Variants in C3orf49 observed in about 807,000 individuals in gnomAD.
C3orf49 encodes the protein chromosome 3 open reading frame 49, also known as putative uncharacterized protein C3orf49.
Under a neutral mutation model 13.3 loss-of-function variants are expected in C3orf49, and 27 were observed. That is an observed-to-expected ratio of 2.02 (90% confidence interval 1.49 to 2.79). The LOEUF (loss-of-function observed/expected upper bound fraction) is 2.79. Ranked by LOEUF, C3orf49 falls within the 30% of genes most tolerant of loss-of-function variation. C3orf49 has a pLI of 0.00. For synonymous variants in C3orf49, 87 were observed against 47.6 expected, an observed-to-expected ratio of 1.83 and a Z score of -3.40; for missense variants, 242 against 134.2, an observed-to-expected ratio of 1.80 and a Z score of -3.97.
chr3:63,821,569 T>C (rs1006962800), intron 1 of C3orf49, among the ~76,000 whole-genome samples: 3 of 152,120 alleles, frequency 2.0e-5, no homozygotes, highest in Non-Finnish European at 4.4e-5. Flanking sequence ...AATCAGTGAA[T>C]AGTTAAACAA....
intron 5 of C3orf49, among the ~76,000 whole-genome samples, chr3:63,843,626 C>G (rs560215749): frequency 6.6e-6 from 1 of 151,972 alleles, no homozygotes; most frequent in East Asian, 2.0e-4. Context: ...GTGGGCTGGG[C>G]GTGGTGGCTC....
At chr3:63,844,266 T>C (rs549581911) in intron 5 of C3orf49, among the ~76,000 whole-genome samples, 3 of 152,284 alleles carry the variant, frequency 2.0e-5, no homozygotes, top group African/African-American at 7.2e-5. Flanking sequence ...GCAAGAGCAA[T>C]AAATTTCAAG....
chr3:63,793,395 C>G, the C3orf49 span, among the ~76,000 whole-genome samples: 1 of 152,128 alleles, frequency 6.6e-6, no homozygotes, highest in Non-Finnish European at 1.5e-5. Flanking sequence ...AGTCTCTCAT[C>G]AGCAACCCCC....
chr3:63,847,534 C>T (rs558087705), intron 6 of C3orf49, among the ~76,000 whole-genome samples: 81 of 152,178 alleles, frequency 5.3e-4, no homozygotes, highest in African/African-American at 1.9e-3. Context: ...GGTTAGGAGT[C>T]GAGACCAGGC....
chr3:63,835,312 A>G (rs1362228903), intron 5 of C3orf49: 2 of 1,613,490 alleles, frequency 1.2e-6, no homozygotes, highest in South Asian at 1.1e-5. Flanking sequence ...GGCTAAATAT[A>G]TATGCGAATA....
At chr3:63,811,330 G>A in the C3orf49 span, among the ~76,000 whole-genome samples, 1 of 151,276 alleles carries the variant, frequency 6.6e-6, no homozygotes, top group Admixed American at 6.6e-5. Context: ...AGGCCGAGGC[G>A]AGCGGATCAC....
the C3orf49 span, among the ~76,000 whole-genome samples, chr3:63,813,553 CAA>C: frequency 1.3e-5 from 2 of 151,870 alleles, no homozygotes; most frequent in African/African-American, 4.8e-5. Flanking sequence ...ACACAAAAAA[CAA>C]ATGAAAAAAA....
the C3orf49 span, among the ~76,000 whole-genome samples, chr3:63,799,511 A>G: frequency 7.9e-5 from 12 of 152,310 alleles, no homozygotes; most frequent in Admixed American, 6.5e-4. Context: ...AAAATGAAAG[A>G]CACAATATTA....
the C3orf49 span, among the ~76,000 whole-genome samples, chr3:63,783,565 C>CAA: frequency 2.4e-4 from 32 of 134,208 alleles, no homozygotes; most frequent in African/African-American, 9.0e-4. Flanking sequence ...CACACACACA[C>CAA]AAATTAGCCA....
the C3orf49 span, among the ~76,000 whole-genome samples, chr3:63,798,156 A>G: frequency 6.6e-6 from 1 of 152,174 alleles, no homozygotes; most frequent in African/African-American, 2.4e-5. Context: ...TCCACAGGGA[A>G]TTTAATGTGC....
chr3:63,833,318 C>T (rs1473302254), intron 5 of C3orf49, among the ~76,000 whole-genome samples: 1 of 151,974 alleles, frequency 6.6e-6, no homozygotes, highest in African/African-American at 2.4e-5. Flanking sequence ...AGGCTGGTCT[C>T]GAACTCCTGA....
chr3:63,846,192 T>A (rs1303565134), intron 6 of C3orf49: 2 of 452,636 alleles, frequency 4.4e-6, no homozygotes, highest in Admixed American at 4.8e-5. Flanking sequence ...ATATTCAGTC[T>A]GCTTTGTCTG....
chr3:63,790,692 C>A, the C3orf49 span, among the ~76,000 whole-genome samples: 1 of 150,266 alleles, frequency 6.7e-6, no homozygotes, highest in Admixed American at 6.7e-5. Flanking sequence ...ATCATTCTTT[C>A]ACATCTTCCC....
At chr3:63,782,493 C>G in the C3orf49 span, 4 of 152,272 alleles carry the variant, frequency 2.6e-5, no homozygotes, top group Admixed American at 2.0e-4. Flanking sequence ...AGATTTCCAG[C>G]TGTAAACAGT....
At chr3:63,790,954 C>A in the C3orf49 span, among the ~76,000 whole-genome samples, 2 of 152,188 alleles carry the variant, frequency 1.3e-5, no homozygotes, top group Non-Finnish European at 2.9e-5. Context: ...TAGGCAAGCT[C>A]AGGAGTACAC....
At chr3:63,785,652 C>T in the C3orf49 span, among the ~76,000 whole-genome samples, 4 of 152,102 alleles carry the variant, frequency 2.6e-5, no homozygotes, top group Admixed American at 6.5e-5. Flanking sequence ...CTGTATTACA[C>T]GGTGAATGAA....
intron 5 of C3orf49, chr3:63,837,997 G>GT: frequency 1.2e-6 from 2 of 1,607,278 alleles, no homozygotes; most frequent in Non-Finnish European, 1.7e-6. Flanking sequence ...TTTCGTATTC[G>GT]TTTTGCTTGA....
intron 5 of C3orf49, among the ~76,000 whole-genome samples, chr3:63,840,633 A>G (rs1484504835): frequency 1.3e-5 from 2 of 152,200 alleles, no homozygotes. Flanking sequence ...ACAGATGACA[A>G]TGATGGCCAA....
At chr3:63,817,639 G>T (rs1701339978), upstream of C3orf49, among the ~76,000 whole-genome samples, 1 of 151,958 alleles carries the variant, frequency 6.6e-6, no homozygotes, top group Non-Finnish European at 1.5e-5. Flanking sequence ...CAAAATTGAT[G>T]TCTCTCTATA....
Sources: allele counts gnomAD v4.1 joint callset (sites outside exome capture counted in the v4.1 genomes callset), GRCh38; gene constraint gnomAD v4.1.1; transcripts MANE v1.5; gene names NCBI Gene and HGNC (gene_info 2026-07-23, HGNC 2026-07-21).